OSBPL10: variants seen among roughly 807,000 people sequenced by gnomAD.
OSBPL10 encodes oxysterol-binding protein-related protein 10.
Under a neutral mutation model 81.7 loss-of-function variants are expected in OSBPL10, and 49 were observed. That is an observed-to-expected ratio of 0.60 (90% CI 0.48 to 0.76). OSBPL10 has a LOEUF of 0.76. Among genes scored for constraint, OSBPL10 ranks in the 30% least tolerant of loss-of-function variants. The pLI, the probability that OSBPL10 is intolerant of heterozygous loss-of-function variation, is 0.00. For missense variants in OSBPL10, 923 were observed against 987.8 expected (o/e 0.93, Z 0.88); for synonymous variants, 419 against 383.6 (o/e 1.09, Z -1.08).
intron 1 of OSBPL10, among the ~76,000 whole-genome samples, chr3:31,883,188 C>T (rs1329138570): frequency 6.6e-6 from 1 of 152,014 alleles, no homozygotes; most frequent in East Asian, 1.9e-4. Context: ...GTGTGCCCCC[C>T]TACACACACC....
At chr3:31,940,279 T>C (rs544065164) in intron 1 of OSBPL10, among the ~76,000 whole-genome samples, 1 of 152,364 alleles carries the variant, frequency 6.6e-6, no homozygotes, top group South Asian at 2.1e-4. Context: ...ACAATGTGGC[T>C]GAGCTCCAAA....
At chr3:31,873,844 CA>C (rs1701388443) in intron 3 of OSBPL10, among the ~76,000 whole-genome samples, 1 of 152,156 alleles carries the variant, frequency 6.6e-6, no homozygotes, top group South Asian at 2.1e-4. Flanking sequence ...TCTGCTTAAG[CA>C]GCCTTGAATT....
chr3:31,909,162 A>C (rs2125689630), intron 1 of OSBPL10, among the ~76,000 whole-genome samples: 1 of 152,360 alleles, frequency 6.6e-6, no homozygotes, highest in East Asian at 1.9e-4. Flanking sequence ...TTGAGAGCTG[A>C]CATTACCTTT....
rs150327982 is a variant in OSBPL10, at chr3:31,950,113, T to A, written c.281+30786A>T. Among the ~76,000 whole-genome samples the A allele has an allele frequency of 2.7e-4, 41 of 152,204 alleles. No individual in the cohort carries two copies. In the East Asian group the frequency reaches 5.2e-3, roughly 19 times the overall value. On this transcript the variant is annotated intron_variant, in intron 1 of 11. Coordinates refer to ENST00000396556, the MANE Select transcript of OSBPL10 (RefSeq NM_017784.5). Reference sequence around the variant, plus strand: ...GTAAACTGAGCAGTGGGCAGCATAATTAAGAGAATATGGAAAAGAAGTAAG... The same window carrying A: ...GTAAACTGAGCAGTGGGCAGCATAAATAAGAGAATATGGAAAAGAAGTAAG...
chr3:31,918,381 TAC>T (rs1333148372), intron 1 of OSBPL10, among the ~76,000 whole-genome samples: 2 of 150,850 alleles, frequency 1.3e-5, no homozygotes, highest in Non-Finnish European at 2.9e-5. Flanking sequence ...CAGGCCAGAG[TAC>T]AGTGGTATGA....
chr3:31,693,561 G>T (rs2125572628), intron 7 of OSBPL10, among the ~76,000 whole-genome samples: 1 of 152,298 alleles, frequency 6.6e-6, no homozygotes, highest in African/African-American at 2.4e-5. Context: ...GCTGTAGTGT[G>T]ATTCTATATA....
chr3:31,724,107 G>A (rs1180940528), intron 6 of OSBPL10, among the ~76,000 whole-genome samples: 3 of 152,172 alleles, frequency 2.0e-5, no homozygotes, highest in African/African-American at 7.2e-5. Context: ...GTTCAGATCT[G>A]ACTTTTTCCC....
intron 2 of OSBPL10, among the ~76,000 whole-genome samples, chr3:32,033,025 G>A (rs745379638): frequency 2.0e-5 from 3 of 152,186 alleles, no homozygotes; most frequent in Non-Finnish European, 4.4e-5. Flanking sequence ...TTAGGGGCTT[G>A]TCAAATTATA....
chr3:32,027,620 T>G (rs183794955), intron 2 of OSBPL10, among the ~76,000 whole-genome samples: 145 of 152,324 alleles, frequency 9.5e-4, no homozygotes, highest in African/African-American at 3.4e-3. Context: ...TAAAATTGAA[T>G]GTGTTCAGAT....
chr3:31,933,741 T>A (rs562573586), intron 1 of OSBPL10, among the ~76,000 whole-genome samples: 1 of 152,192 alleles, frequency 6.6e-6, no homozygotes, highest in South Asian at 2.1e-4. Context: ...AATTGAGAAA[T>A]ACTATTAGAA....
intron 6 of OSBPL10, among the ~76,000 whole-genome samples, chr3:31,720,881 C>CAAAAAAAAAAAAAAAAAAAA: frequency 1.5e-5 from 1 of 66,312 alleles, no homozygotes; most frequent in Non-Finnish European, 2.9e-5. Context: ...GACTCTGTCT[C>CAAAAAAAAAAAAAAAAAAAA]AAAAAAAAAA....
Position 31,897,977 on chromosome 3 carries a change from C to T in OSBPL10, c.282-18147G>A, listed in dbSNP as rs576371559. ...GAGCCGAGATCATGCCACTGCACCCCAGCTTGGGTGACACAGCGAGAACTC... is the reference window on the plus strand; with the variant it reads ...GAGCCGAGATCATGCCACTGCACCCTAGCTTGGGTGACACAGCGAGAACTC... On this transcript the variant is annotated intron_variant, in intron 1 of 11. Transcript: ENST00000396556. Among the ~76,000 whole-genome samples, 94 of 130,036 alleles carry T rather than the reference C, an allele frequency of 7.2e-4. 2 individuals carry two copies. In the South Asian group the frequency reaches 0.021, roughly 29 times the overall value. The allele number at this position is 130,036 out of a possible 152,430, so 85.3% of individuals were successfully genotyped here.
chr3:32,009,564 G>A (rs1699233279), intron 2 of OSBPL10, among the ~76,000 whole-genome samples: 2 of 152,314 alleles, frequency 1.3e-5, no homozygotes, highest in South Asian at 4.1e-4. Context: ...TCTCAAGTGT[G>A]AATGAATTCA....
At chr3:31,862,211 A>G (rs1701072234) in intron 3 of OSBPL10, among the ~76,000 whole-genome samples, 1 of 152,134 alleles carries the variant, frequency 6.6e-6, no homozygotes, top group South Asian at 2.1e-4. Context: ...AAAAAATAGC[A>G]CCTGCCTTTT....
chr3:31,853,016 C>T (rs1156470466), intron 3 of OSBPL10, among the ~76,000 whole-genome samples: 1 of 152,118 alleles, frequency 6.6e-6, no homozygotes, highest in Non-Finnish European at 1.5e-5. Flanking sequence ...ATGCCTACTG[C>T]CCAATGCAAT....
At chr3:31,665,977 A>G (rs963159737) in intron 10 of OSBPL10, among the ~76,000 whole-genome samples, 1 of 152,156 alleles carries the variant, frequency 6.6e-6, no homozygotes, top group Admixed American at 6.5e-5. Context: ...ATGAATAGGG[A>G]CCCAACCAGG....
At chr3:31,982,501 C>G (rs143064812), upstream of OSBPL10, among the ~76,000 whole-genome samples, 710 of 152,278 alleles carry the variant, frequency 4.7e-3, 5 homozygotes, top group African/African-American at 0.016. Flanking sequence ...AGGGACAGTT[C>G]CCCGAGCCCA....
At chr3:32,042,198 A>G (rs1414422667) in intron 2 of OSBPL10, among the ~76,000 whole-genome samples, 2 of 152,108 alleles carry the variant, frequency 1.3e-5, no homozygotes, top group African/African-American at 4.8e-5. Context: ...CTCTCAGACA[A>G]TTTCACCTCC....
At chr3:32,002,520 A>G (rs747340405) in intron 2 of OSBPL10, among the ~76,000 whole-genome samples, 36 of 152,184 alleles carry the variant, frequency 2.4e-4, no homozygotes, top group Non-Finnish European at 4.9e-4. Context: ...CTGGGAAGCA[A>G]TAAGATTATT....
Sources: allele counts gnomAD v4.1 joint callset (sites outside exome capture counted in the v4.1 genomes callset), GRCh38; gene constraint gnomAD v4.1.1; transcripts MANE v1.5; gene names NCBI Gene and HGNC (gene_info 2026-07-23, HGNC 2026-07-21).